CERK: variants seen among roughly 807,000 people sequenced by gnomAD.
The protein encoded by CERK is acylsphingosine kinase.
A neutral mutation model predicts 63.4 loss-of-function variants in CERK; 39 were observed. The observed-to-expected ratio is 0.61, with a 90% CI of 0.48 to 0.80. CERK has a LOEUF of 0.80. Among genes scored for constraint, CERK ranks in the 30% least tolerant of loss-of-function variants. The pLI, the probability that CERK is intolerant of heterozygous loss-of-function variation, is 0.00. For missense variants in CERK, 670 were observed against 714.1 expected (o/e 0.94, Z 0.70); for synonymous variants, 302 against 280.0 (o/e 1.08, Z -0.78).
At chr22:46,716,505 T>TAAAAA (rs561393380) in intron 3 of CERK, among the ~76,000 whole-genome samples, 1 of 143,334 alleles carries the variant, frequency 7.0e-6, no homozygotes, top group African/African-American at 2.6e-5. Context: ...CCCCGTCTCT[T>TAAAAA]AAAAAAAAAA....
rs2082770797 is a variant in CERK at position 46,699,161 on chromosome 22, G to A, written c.943+152C>T. The A allele has an allele frequency of 5.1e-6, 4 of 790,416 alleles. No homozygotes were observed. In the South Asian group the frequency reaches 6.5e-5, roughly 13 times the overall value. The allele number at this position is 790,416 out of a possible 1,614,324, so 49.0% of individuals were successfully genotyped here. On this transcript the variant is annotated intron_variant, in intron 8 of 12. Transcript: ENST00000216264. ...CCAGTCCAGACCCTGCCACGTTCTG[G>A]CCCCGGCACATTTCATGAGGCCCTT...
chr22:46,706,173 G>T (rs1367434312), intron 6 of CERK, among the ~76,000 whole-genome samples: 1 of 152,260 alleles, frequency 6.6e-6, no homozygotes, highest in Non-Finnish European at 1.5e-5. Flanking sequence ...ATCTAAGAGG[G>T]AGTTTGGGTG....
At chr22:46,688,992 T>G (rs572992765) in intron 12 of CERK, among the ~76,000 whole-genome samples, 48 of 152,374 alleles carry the variant, frequency 3.2e-4, no homozygotes, top group African/African-American at 1.1e-3. Flanking sequence ...TGCACTCAGA[T>G]TCCATCTGGT....
At chr22:46,690,959 ATGTG>A (rs1050577379) in intron 11 of CERK, among the ~76,000 whole-genome samples, 13 of 151,730 alleles carry the variant, frequency 8.6e-5, no homozygotes, top group South Asian at 2.1e-4. Flanking sequence ...GTATGTATGT[ATGTG>A]TGTGTATATG....
At chr22:46,717,196 C>G (rs1487580063) in intron 3 of CERK, among the ~76,000 whole-genome samples, 1 of 152,214 alleles carries the variant, frequency 6.6e-6, no homozygotes, top group East Asian at 1.9e-4. Flanking sequence ...CTCCCGAACC[C>G]TGAGGGTGGA....
intron 12 of CERK, among the ~76,000 whole-genome samples, chr22:46,687,417 A>G (rs801718): frequency 0.11 from 16,299 of 152,222 alleles, 1,885 homozygotes; most frequent in African/African-American, 0.29. Context: ...CCAGCCCACA[A>G]TGACGGGCCC....
intron 5 of CERK, among the ~76,000 whole-genome samples, chr22:46,710,676 G>C (rs1266314744): frequency 6.6e-6 from 1 of 152,098 alleles, no homozygotes; most frequent in Non-Finnish European, 1.5e-5. Context: ...CCACATAATG[G>C]ACCATGATAT....
chr22:46,738,083 G>C lies in CERK; in HGVS notation c.66C>G (p.Ala22=), dbSNP rs1168197800. 3.9e-6 allele frequency: 5 copies of C among 1,279,582 alleles called. No individual in the cohort carries two copies. The highest frequency in any genetic ancestry group is 5.0e-6 in the Non-Finnish European group (5 of 1,006,520). 79.3% of individuals were successfully genotyped at this position (1,279,582 alleles called of 1,614,324 possible). A position where few individuals can be genotyped will look rare whatever the true frequency, so the allele number is the denominator to read the frequency against. ...GAGCCCGCGCGGGCTCCAGGCTCAC[G>C]GCGCAGCGCTGCTGCTTCACCCACA... is the stretch of plus-strand genomic sequence containing the variant. ...SVLWVKQQRC[A]VSLEPARALL... Residue 22 remains alanine (A), a synonymous_variant, in exon 1 of 13, where the codon GCC becomes GCG. Coordinates refer to ENST00000216264, the MANE Select transcript of CERK (RefSeq NM_022766.6).
intron 5 of CERK, among the ~76,000 whole-genome samples, chr22:46,709,127 G>A (rs2082827962): frequency 6.6e-6 from 1 of 152,198 alleles, no homozygotes; most frequent in South Asian, 2.1e-4. Flanking sequence ...CGAGGACAGG[G>A]CATCCTTGAA....
intron 1 of CERK, among the ~76,000 whole-genome samples, chr22:46,731,216 C>T (rs2082943757): frequency 6.6e-6 from 1 of 152,262 alleles, no homozygotes; most frequent in Admixed American, 6.5e-5. Flanking sequence ...CCCCTTCCTC[C>T]TTGCTGGAGT....
chr22:46,715,809 T>G (rs1181454870), intron 3 of CERK, among the ~76,000 whole-genome samples: 4 of 152,182 alleles, frequency 2.6e-5, no homozygotes, highest in Non-Finnish European at 5.9e-5. Flanking sequence ...ACAATAGAGC[T>G]TGGAGAATAA....
chr22:46,688,078 C>T (rs1000124360), intron 12 of CERK, among the ~76,000 whole-genome samples: 4 of 152,052 alleles, frequency 2.6e-5, no homozygotes, highest in Non-Finnish European at 5.9e-5. Context: ...GCGCCTGCTA[C>T]TTGGGAGGCT....
chr22:46,726,289 G>A (rs1291215205), intron 1 of CERK, among the ~76,000 whole-genome samples: 2 of 152,242 alleles, frequency 1.3e-5, no homozygotes, highest in African/African-American at 4.8e-5. Context: ...CGGTCCCTGG[G>A]ACTCTCCCTA....
At chr22:46,702,343 G>A (rs1421772600) in intron 6 of CERK, among the ~76,000 whole-genome samples, 1 of 150,950 alleles carries the variant, frequency 6.6e-6, no homozygotes, top group African/African-American at 2.4e-5. Context: ...CGCCCAGGCT[G>A]GAGTGCGGTG....
intron 7 of CERK, among the ~76,000 whole-genome samples, chr22:46,699,793 A>G (rs895379588): frequency 6.6e-6 from 1 of 152,274 alleles, no homozygotes; most frequent in African/African-American, 2.4e-5. Context: ...ATGGCATTTT[A>G]AAATACAAAA....
rs760094685 is a variant in CERK, at chr22:46,685,243, G to A, written c.*1891C>T. 5 of 152,216 alleles carry A rather than the reference G, an allele frequency of 3.3e-5. No individual in the cohort carries two copies. The highest frequency in any genetic ancestry group is 7.3e-5 in the Non-Finnish European group (5 of 68,078). The allele number at this position is 152,216 out of a possible 1,614,324, so 9.4% of individuals were successfully genotyped here. A position where few individuals can be genotyped will look rare whatever the true frequency, so the allele number is the denominator to read the frequency against. ...GCGCCAACAAGACTGGCTAAGTTGT[G>A]TATTTTTAGTAGAGACGAGGTTTCA... is the stretch of plus-strand genomic sequence containing the variant. On this transcript the variant is annotated 3_prime_UTR_variant, in exon 13 of 13. Transcript: ENST00000216264.
rs3830883 is a variant in CERK, at chr22:46,685,155, CTCTT to C, written c.*1975_*1978del. 52,023 of 151,890 alleles carry C rather than the reference CTCTT, an allele frequency of 0.34. 9,099 individuals carry two copies. Among genetic ancestry groups the C allele is most frequent in the Middle Eastern group, 0.44 (130 of 296 alleles). The allele number at this position is 151,890 out of a possible 1,614,324, so 9.4% of individuals were successfully genotyped here. A position where few individuals can be genotyped will look rare whatever the true frequency, so the allele number is the denominator to read the frequency against. ...AATCTTGGCTCACCGCAACCTCCAC[CTCTT>C]TCTTGGGTTCAAGCGATTCTCCTGC... On this transcript the variant is annotated 3_prime_UTR_variant, in exon 13 of 13. Transcript: ENST00000216264.
chr22:46,694,801 A>G (rs554381103), intron 9 of CERK, among the ~76,000 whole-genome samples: 2 of 152,314 alleles, frequency 1.3e-5, no homozygotes, highest in East Asian at 1.9e-4. Context: ...AGCTCTACCA[A>G]CGGTCCTGCC....
At chr22:46,694,817 T>G (rs575441236) in intron 9 of CERK, among the ~76,000 whole-genome samples, 1 of 152,220 alleles carries the variant, frequency 6.6e-6, no homozygotes, top group African/African-American at 2.4e-5. Flanking sequence ...CTGCCACCAG[T>G]GCCCTGCACA....
Sources: gnomAD v4.1 joint callset for allele counts (sites outside exome capture counted in the v4.1 genomes callset) on GRCh38, gnomAD v4.1.1 for gene constraint, MANE v1.5 for transcripts, NCBI Gene and HGNC (gene_info 2026-07-23, HGNC 2026-07-21) for gene names.